The following SLC24A2 variants were observed in gnomAD, a reference collection of about 807,000 sequenced individuals.
SLC24A2 encodes solute carrier family 24 member 2.
Under a neutral mutation model 62.0 loss-of-function variants are expected in SLC24A2, and 36 were observed. The observed-to-expected ratio is 0.58, with a 90% CI of 0.44 to 0.77. The LOEUF is 0.77. Among genes scored for constraint, SLC24A2 ranks in the 30% least tolerant of loss-of-function variants. SLC24A2 has a pLI of 0.00. For missense variants in SLC24A2, 846 were observed against 817.9 expected (o/e 1.03, Z -0.42); for synonymous variants, 358 against 294.0 (o/e 1.22, Z -2.23).
At chr9:19,742,527 G>C (rs965844448) in intron 2 of SLC24A2, among the ~76,000 whole-genome samples, 9 of 152,070 alleles carry the variant, frequency 5.9e-5, no homozygotes, top group African/African-American at 1.9e-4. Context: ...GAGATCATGA[G>C]GTTCACATTC....
At chr9:20,221,662 A>G in the SLC24A2 span, among the ~76,000 whole-genome samples, 1 of 152,048 alleles carries the variant, frequency 6.6e-6, no homozygotes. Flanking sequence ...ATCCACAACT[A>G]GATACACTGT....
chr9:20,258,997 G>C, the SLC24A2 span, among the ~76,000 whole-genome samples: 2 of 152,028 alleles, frequency 1.3e-5, no homozygotes, highest in African/African-American at 4.8e-5. Context: ...TGGTTAAAGG[G>C]ACTATTAAAC....
the SLC24A2 span, among the ~76,000 whole-genome samples, chr9:20,085,860 T>C: frequency 1.3e-5 from 2 of 152,238 alleles, no homozygotes. Context: ...ATTAATTTTT[T>C]TTAAACCTGT....
intron 4 of SLC24A2, among the ~76,000 whole-genome samples, chr9:19,602,773 T>C (rs1836875763): frequency 6.6e-6 from 1 of 152,232 alleles, no homozygotes; most frequent in African/African-American, 2.4e-5. Context: ...AACTTCAATG[T>C]CCTTATCTGT....
At chr9:20,282,731 A>T in the SLC24A2 span, among the ~76,000 whole-genome samples, 1 of 152,254 alleles carries the variant, frequency 6.6e-6, no homozygotes, top group Non-Finnish European at 1.5e-5. Flanking sequence ...AGTATCACTT[A>T]TAATATCCTC....
At chr9:19,739,914 C>A (rs1260179433) in intron 2 of SLC24A2, among the ~76,000 whole-genome samples, 1 of 152,078 alleles carries the variant, frequency 6.6e-6, no homozygotes, top group Non-Finnish European at 1.5e-5. Context: ...GTGTTTATGT[C>A]CAATATAATA....
At chr9:20,106,135 A>G in the SLC24A2 span, among the ~76,000 whole-genome samples, 1 of 152,204 alleles carries the variant, frequency 6.6e-6, no homozygotes, top group Non-Finnish European at 1.5e-5. Context: ...ACACCCTCCC[A>G]AGACTAAACC....
chr9:20,225,969 A>G, the SLC24A2 span, among the ~76,000 whole-genome samples: 1 of 152,070 alleles, frequency 6.6e-6, no homozygotes, highest in Non-Finnish European at 1.5e-5. Context: ...AGAATGAACA[A>G]AAGGAAAGTG....
At chr9:19,819,692 A>G in the SLC24A2 span, among the ~76,000 whole-genome samples, 2 of 151,940 alleles carry the variant, frequency 1.3e-5, no homozygotes, top group South Asian at 2.1e-4. Flanking sequence ...GGCCATAATA[A>G]AAAAACCAAC....
the SLC24A2 span, among the ~76,000 whole-genome samples, chr9:20,162,318 G>A: frequency 6.6e-6 from 1 of 151,616 alleles, no homozygotes; most frequent in Non-Finnish European, 1.5e-5. Flanking sequence ...ATTTATATTA[G>A]CAACAAAAAT....
the SLC24A2 span, among the ~76,000 whole-genome samples, chr9:19,910,711 G>T: frequency 1.3e-5 from 2 of 151,980 alleles, no homozygotes; most frequent in Non-Finnish European, 2.9e-5. Context: ...ACCTTCAGAT[G>T]TTCCTAGATT....
chr9:19,891,954 T>C, the SLC24A2 span, among the ~76,000 whole-genome samples: 2 of 152,170 alleles, frequency 1.3e-5, no homozygotes. Flanking sequence ...ATCCAAACTA[T>C]ATAACCAGAT....
At chr9:19,728,607 G>A (rs995486193) in intron 2 of SLC24A2, among the ~76,000 whole-genome samples, 3 of 152,082 alleles carry the variant, frequency 2.0e-5, no homozygotes, top group Admixed American at 2.0e-4. Context: ...GAGAAGCTCA[G>A]AACAGGCATG....
At chr9:20,180,252 C>T in the SLC24A2 span, among the ~76,000 whole-genome samples, 1 of 152,046 alleles carries the variant, frequency 6.6e-6, no homozygotes, top group African/African-American at 2.4e-5. Flanking sequence ...CTAATAACAC[C>T]TGATTCAAGA....
the SLC24A2 span, among the ~76,000 whole-genome samples, chr9:19,903,729 C>T: frequency 1.3e-5 from 2 of 152,004 alleles, no homozygotes; most frequent in African/African-American, 2.4e-5. Context: ...ATGGAGTAAG[C>T]GTTAAGTCTG....
intron 8 of SLC24A2, among the ~76,000 whole-genome samples, chr9:19,545,083 C>T (rs749804747): frequency 1.6e-4 from 25 of 152,124 alleles, no homozygotes; most frequent in Non-Finnish European, 3.4e-4. Flanking sequence ...TGGATTTGAT[C>T]TTTTCACATA....
chr9:20,201,483 C>T, the SLC24A2 span, among the ~76,000 whole-genome samples: 9 of 151,564 alleles, frequency 5.9e-5, no homozygotes, highest in Non-Finnish European at 1.0e-4. Flanking sequence ...AGTAACAGCT[C>T]GACAATTTGA....
At chr9:20,256,130 C>T in the SLC24A2 span, among the ~76,000 whole-genome samples, 2 of 152,070 alleles carry the variant, frequency 1.3e-5, no homozygotes, top group African/African-American at 4.8e-5. Flanking sequence ...TATTTCACTG[C>T]CCTCATGGCC....
the SLC24A2 span, among the ~76,000 whole-genome samples, chr9:19,963,355 A>C: frequency 6.6e-6 from 1 of 151,754 alleles, no homozygotes; most frequent in African/African-American, 2.4e-5. Flanking sequence ...AACAAAAGCC[A>C]AAATTGACAA....
Sources: gnomAD v4.1 joint callset for allele counts (sites outside exome capture counted in the v4.1 genomes callset) on GRCh38, gnomAD v4.1.1 for gene constraint, MANE v1.5 for transcripts, NCBI Gene and HGNC (gene_info 2026-07-23, HGNC 2026-07-21) for gene names.